The following LAMC1 variants were observed in gnomAD, a reference collection of about 807,000 sequenced individuals.
LAMC1 encodes laminin subunit gamma-1.
A neutral mutation model predicts 173.6 loss-of-function variants in LAMC1; 38 were observed. The ratio of observed to expected loss-of-function variants is 0.22; its 90% CI spans 0.17 to 0.29. LAMC1 has a LOEUF of 0.29. LAMC1 is among the 10% of genes least tolerant of loss of function. The pLI is 1.00. For missense variants in LAMC1, 1,824 were observed against 2,051.8 expected, an observed-to-expected ratio of 0.89 and a Z score of 2.14; for synonymous variants, 746 against 749.1, an observed-to-expected ratio of 1.00 and a Z score of 0.07.
In LAMC1 at chr1:183,124,609, C is replaced by T. The variant is rs765913128; in HGVS notation, c.2402-22C>T. 2.5e-6 allele frequency: 4 copies of T among 1,613,778 alleles called. No homozygotes were observed. The African/African-American group carries it at 4.0e-5, about 16-fold the overall frequency. ...AATGTCTAAGGCCTTTCTTTCATAA[C>T]ATCAGATTGTCTCATCCCCAGGTAA... is the stretch of plus-strand genomic sequence containing the variant. On this transcript the variant is annotated intron_variant, in intron 13 of 27. Coordinates refer to ENST00000258341, the MANE Select transcript of LAMC1 (RefSeq NM_002293.4).
In LAMC1 at chr1:183,136,560, A is replaced by G. The variant is rs1229456815; in HGVS notation, c.4289A>G (p.Glu1430Gly). The G allele has an allele frequency of 6.2e-7, 1 of 1,612,090 alleles. No individual in the cohort carries two copies. The highest frequency in any genetic ancestry group is 8.5e-7 in the Non-Finnish European group (1 of 1,178,976). Residue 1430 changes from glutamate (E) to glycine (G), a missense_variant, in exon 25 of 28, where the codon GAG (glutamate) becomes GGG (glycine). By Grantham distance (98) the Glu-to-Gly change is moderately conservative. Transcript: ENST00000258341. ...GCCAAGAACAAGGCCCATGAGGCGGAGAGGATCGCGAGCGCTGTCCAAAAG... is the reference window on the plus strand; with the variant it reads ...GCCAAGAACAAGGCCCATGAGGCGGGGAGGATCGCGAGCGCTGTCCAAAAG... ...TEAKNKAHEA[E>G]RIASAVQKNA...
intron 1 of LAMC1, among the ~76,000 whole-genome samples, chr1:183,052,051 T>TA (rs1186173869): frequency 5.3e-5 from 8 of 152,186 alleles, no homozygotes; most frequent in South Asian, 2.1e-4. Context: ...GTTCATCTGA[T>TA]AAAAAAATCA....
At chr1:183,058,123 C>G (rs568134471) in intron 1 of LAMC1, among the ~76,000 whole-genome samples, 1 of 152,072 alleles carries the variant, frequency 6.6e-6, no homozygotes, top group Non-Finnish European at 1.5e-5. Context: ...TCTAAAAGTT[C>G]GTCTCTATTG....
chr1:183,107,223 G>A (rs1655999790), intron 2 of LAMC1, among the ~76,000 whole-genome samples: 1 of 152,178 alleles, frequency 6.6e-6, no homozygotes, highest in African/African-American at 2.4e-5. Context: ...TAGGGAAATG[G>A]CAGTGGACAA....
rs118003588 is a variant in LAMC1 at position 183,115,776 on chromosome 1, A to G, written c.1328+139A>G. The stretch of plus-strand genomic sequence containing the variant: ...TCAACAAGACTGAGGACTAGCTGTA[A>G]TGGTGAGCCACAAGGGGTTTGGCTT... On this transcript the variant is annotated intron_variant, in intron 6 of 27. Transcript: ENST00000258341. The G allele has an allele frequency of 8.6e-4, 570 of 665,798 alleles. 2 individuals are homozygous for G. In the East Asian group the frequency reaches 0.013, roughly 15 times the overall value. 41.2% of individuals were successfully genotyped at this position (665,798 alleles called of 1,614,324 possible). A position where few individuals can be genotyped will look rare whatever the true frequency, so the allele number is the denominator to read the frequency against.
chr1:183,071,255 T>A (rs1655005241), intron 1 of LAMC1, among the ~76,000 whole-genome samples: 1 of 152,168 alleles, frequency 6.6e-6, no homozygotes, highest in Non-Finnish European at 1.5e-5. Flanking sequence ...CCTGTATGGA[T>A]GTTTTGTCTA....
At chr1:183,137,868 A>G (rs1656992041) in intron 26 of LAMC1, 41 bp downstream of exon 26, 2 of 1,526,068 alleles carry the variant, frequency 1.3e-6, no homozygotes, top group Admixed American at 2.0e-5. Flanking sequence ...CAGAAAGTGA[A>G]CAGTGTTTAA....
At chr1:183,105,888 T>C (rs183989855) in intron 2 of LAMC1, among the ~76,000 whole-genome samples, 3 of 152,350 alleles carry the variant, frequency 2.0e-5, no homozygotes, top group Admixed American at 2.0e-4. Flanking sequence ...CCTTTTTGGT[T>C]TCACCATATT....
intron 1 of LAMC1, among the ~76,000 whole-genome samples, chr1:183,097,633 C>T (rs1323993954): frequency 6.6e-6 from 1 of 152,266 alleles, no homozygotes; most frequent in South Asian, 2.1e-4. Flanking sequence ...GAGTTTCTCC[C>T]TTATTCAGAG....
chr1:183,047,140 A>C (rs552819283), intron 1 of LAMC1, among the ~76,000 whole-genome samples: 39 of 152,260 alleles, frequency 2.6e-4, no homozygotes, highest in African/African-American at 8.7e-4. Context: ...TTTTTGGTAA[A>C]ATTAGCTACC....
chr1:183,029,737 T>G (rs1653800641), intron 1 of LAMC1, among the ~76,000 whole-genome samples: 1 of 152,222 alleles, frequency 6.6e-6, no homozygotes, highest in African/African-American at 2.4e-5. Context: ...ATCTGTTTCT[T>G]TACTTGTCTG....
intron 1 of LAMC1, among the ~76,000 whole-genome samples, chr1:183,028,265 A>C (rs1362614711): frequency 6.6e-6 from 1 of 151,298 alleles, no homozygotes; most frequent in East Asian, 1.9e-4. Flanking sequence ...TTTGCTATGC[A>C]CTCCTTCCTC....
rs1558055322 is a variant in LAMC1 at position 183,122,092 on chromosome 1, G to A, written c.2242G>A (p.Gly748Ser). ...TTGTAACTGCAGAGACAATACGGCT[G>A]GCCCGCACTGTGAGAAGTGCAGTGA... ...GVCNCRDNTA[G>S]PHCEKCSDGY... Residue 748 changes from glycine to serine, a missense_variant, in exon 13 of 28, where the codon GGC becomes AGC. Gly to Ser is a moderately conservative substitution (Grantham distance 56). Coordinates refer to ENST00000258341, the MANE Select transcript of LAMC1 (RefSeq NM_002293.4). 6.2e-7 allele frequency: 1 copy of A among 1,614,138 alleles called. No homozygotes were observed. The highest frequency in any genetic ancestry group is 8.5e-7 in the Non-Finnish European group (1 of 1,180,006).
Position 183,122,086 on chromosome 1 carries a change from A to T in LAMC1, c.2236A>T (p.Thr746Ser). The T allele has an allele frequency of 6.2e-7, 1 of 1,614,046 alleles. No individual in the cohort carries two copies. Among genetic ancestry groups the T allele is most frequent in the Non-Finnish European group, 8.5e-7 (1 of 1,179,950 alleles). ...ETGVCNCRDN[T>S]AGPHCEKCSD... ...AGGTGTTTGTAACTGCAGAGACAAT[A>T]CGGCTGGCCCGCACTGTGAGAAGTG... The change falls in exon 13 of 28, where the codon ACG (threonine) becomes TCG (serine). Residue 746 changes from threonine to serine, a missense_variant. Thr to Ser is a moderately conservative substitution (Grantham distance 58). Transcript: ENST00000258341.
chr1:183,103,783 C>G (rs1330481085), intron 2 of LAMC1, 151 bp downstream of exon 2: 2 of 551,552 alleles, frequency 3.6e-6, no homozygotes, highest in Non-Finnish European at 3.0e-6. Flanking sequence ...TGATTCTGCT[C>G]TCTGTGTACT....
chr1:183,104,128 T>G (rs528102559), intron 2 of LAMC1, among the ~76,000 whole-genome samples: 17 of 152,294 alleles, frequency 1.1e-4, no homozygotes, highest in Middle Eastern at 3.4e-3. Context: ...AAATTTTGAT[T>G]AGATTTGTCT....
chr1:183,051,026 T>A (rs1462443427), intron 1 of LAMC1, among the ~76,000 whole-genome samples: 4 of 132,318 alleles, frequency 3.0e-5, no homozygotes, highest in Admixed American at 8.5e-5. Flanking sequence ...CCTTTCCTCT[T>A]CTCCTTTCAA....
chr1:183,128,247 T>G (rs7549768), intron 17 of LAMC1, among the ~76,000 whole-genome samples: 78,356 of 151,568 alleles, frequency 0.52, 20,896 homozygotes, highest in South Asian at 0.65. Context: ...GGTCAGAGCT[T>G]AAGACTCATC....
At chr1:183,075,727 T>C (rs2102044543) in intron 1 of LAMC1, among the ~76,000 whole-genome samples, 1 of 152,328 alleles carries the variant, frequency 6.6e-6, no homozygotes, top group East Asian at 1.9e-4. Context: ...ACTCCTTCTC[T>C]CAGAAACAGG....
Sources: gnomAD v4.1 joint callset for allele counts (sites outside exome capture counted in the v4.1 genomes callset) on GRCh38, gnomAD v4.1.1 for gene constraint, MANE v1.5 for transcripts, NCBI Gene and HGNC (gene_info 2026-07-23, HGNC 2026-07-21) for gene names.